The following RPP40 variants were observed in gnomAD, a reference collection of about 807,000 sequenced individuals.
The protein encoded by RPP40 is ribonuclease P/MRP subunit p40, also known as ribonuclease P protein subunit p40.
In RPP40, 30 loss-of-function variants were observed where a neutral mutation model predicts 42.5. The observed-to-expected ratio is 0.71, with a 90% CI of 0.53 to 0.96. The LOEUF (loss-of-function observed/expected upper bound fraction) is 0.96. RPP40 is among the 40% of genes least tolerant of loss of function. RPP40 has a pLI of 0.00. For synonymous variants in RPP40, 173 were observed against 164.0 expected, an observed-to-expected ratio of 1.05 and a Z score of -0.42; for missense variants, 426 against 433.5, an observed-to-expected ratio of 0.98 and a Z score of 0.15.
chr6:4,996,675 CTGTT>C (rs1396575596), intron 5 of RPP40, among the ~76,000 whole-genome samples: 8 of 152,198 alleles, frequency 5.3e-5, no homozygotes, highest in Admixed American at 3.9e-4. Flanking sequence ...ACTAGTTTCA[CTGTT>C]TGTGCTAATA....
intron 3 of RPP40, 149 bp downstream of exon 3, chr6:5,000,414 C>T (rs1178295915): frequency 3.5e-6 from 2 of 570,690 alleles, no homozygotes; most frequent in East Asian, 6.6e-5. Context: ...TCTCGAACTC[C>T]TGACCTCAGG....
At chr6:4,993,441 T>G (rs1415089015), downstream of RPP40, among the ~76,000 whole-genome samples, 1 of 152,234 alleles carries the variant, frequency 6.6e-6, no homozygotes, top group Non-Finnish European at 1.5e-5. Context: ...TAAAGCATAC[T>G]TTATGGATGT....
intron 1 of RPP40, among the ~76,000 whole-genome samples, chr6:5,003,345 T>TAAAAAA (rs1554114544): frequency 1.4e-4 from 11 of 76,558 alleles, no homozygotes; most frequent in African/African-American, 4.0e-4. Flanking sequence ...AAACTCCGTC[T>TAAAAAA]AAAAAAAAAA....
chr6:4,996,672 T>G (rs1759394329), intron 5 of RPP40, among the ~76,000 whole-genome samples: 1 of 152,354 alleles, frequency 6.6e-6, no homozygotes, highest in South Asian at 2.1e-4. Context: ...CAAACTAGTT[T>G]CACTGTTTGT....
chr6:5,000,249 G>A (rs780012857), intron 3 of RPP40, among the ~76,000 whole-genome samples: 16 of 151,638 alleles, frequency 1.1e-4, no homozygotes, highest in South Asian at 6.2e-4. Flanking sequence ...GCGCAGTGGC[G>A]CAATCTTGGC....
intron 5 of RPP40, among the ~76,000 whole-genome samples, chr6:4,998,226 G>T (rs191275251): frequency 1.3e-5 from 2 of 152,202 alleles, no homozygotes; most frequent in Non-Finnish European, 2.9e-5. Flanking sequence ...GGCCGTTTTA[G>T]GCAGATTACG....
downstream of RPP40, among the ~76,000 whole-genome samples, chr6:4,994,469 C>A (rs770475511): frequency 8.5e-5 from 13 of 152,182 alleles, no homozygotes; most frequent in Non-Finnish European, 1.6e-4. Flanking sequence ...AGCCTTACTG[C>A]TGGAAATAAA....
chr6:4,989,886 TTTTCTTTC>T (rs1040391886), downstream of RPP40, among the ~76,000 whole-genome samples: 21 of 152,180 alleles, frequency 1.4e-4, no homozygotes, highest in Non-Finnish European at 2.2e-4. Flanking sequence ...GTGAATACAT[TTTTCTTTC>T]TTTCTTTCCA....
At position 5,003,970 on chromosome 6, in the gene RPP40, C is replaced by T; in HGVS notation, c.33G>A (p.Pro11=). 6.2e-7 allele frequency: 1 copy of T among 1,612,614 alleles called. No individual in the cohort carries two copies. Among genetic ancestry groups the T allele is most frequent in the Non-Finnish European group, 8.5e-7 (1 of 1,179,498 alleles). MATLRRLREA[P]RHLLVCEKSN... ...ATTTCTCGCAAACCAGTAAGTGCCG[C>T]GGCGCCTCCCGAAGCCGGCGCAGCG... is the stretch of plus-strand genomic sequence containing the variant. Residue 11 remains proline (P), a synonymous_variant, in exon 1 of 8, where the codon CCG becomes CCA. Transcript: ENST00000380051.
At position 5,001,084 on chromosome 6, in the gene RPP40, G is replaced by T. The variant is rs376123383; in HGVS notation, c.269-453C>A. The T allele has an allele frequency of 1.6e-4, 73 of 457,040 alleles. 2 individuals are homozygous for T. The highest frequency in any genetic ancestry group is 1.1e-3 in the South Asian group (70 of 64,556). The allele number at this position is 457,040 out of a possible 1,614,324, so 28.3% of individuals were successfully genotyped here. On this transcript the variant is annotated intron_variant, in intron 2 of 7. Transcript: ENST00000380051. ...ATCAAGCAAAAAACTGACTCAGAACGGAACGTGACCTTTGGGGATGCGCGG... is the reference window on the plus strand; with the variant it reads ...ATCAAGCAAAAAACTGACTCAGAACTGAACGTGACCTTTGGGGATGCGCGG...
At chr6:4,996,453 C>T (rs368058391) in intron 5 of RPP40, 33 bp from the exon 6 acceptor site, 28 of 1,603,234 alleles carry the variant, frequency 1.7e-5, no homozygotes, top group Non-Finnish European at 2.4e-5. Context: ...CCATTTGAAT[C>T]CATCTGACCA....
At position 5,003,711 on chromosome 6, in the gene RPP40, A is replaced by T. The variant is rs1270653637; in HGVS notation, c.123+169T>A. 8 of 795,266 alleles carry T rather than the reference A, an allele frequency of 1.0e-5. No homozygotes were observed. The East Asian group carries it at 1.8e-4, about 18-fold the overall frequency. 49.3% of individuals were successfully genotyped at this position (795,266 alleles called of 1,614,324 possible). On this transcript the variant is annotated intron_variant, in intron 1 of 7. Coordinates refer to ENST00000380051, the MANE Select transcript of RPP40 (RefSeq NM_006638.4). ...TTGTAGTCCTGTAGCCCTGCAAGCC[A>T]CTGGCTTAGAGCAGTTAAGAGACTA... is the stretch of plus-strand genomic sequence containing the variant.
chr6:4,998,562 T>G, intron 5 of RPP40, 154 bp downstream of exon 5: 1 of 492,552 alleles, frequency 2.0e-6, no homozygotes, highest in South Asian at 4.0e-5. Flanking sequence ...TTCAGAGATG[T>G]CAGAAGGGCT....
At chr6:4,999,111 T>A (rs969617260) in intron 4 of RPP40, among the ~76,000 whole-genome samples, 1 of 150,740 alleles carries the variant, frequency 6.6e-6, no homozygotes, top group Admixed American at 6.7e-5. Context: ...AGAGGTCAGG[T>A]TTAATCTACT....
chr6:4,990,650 ATTTTTTTT>A (rs34478088), downstream of RPP40, among the ~76,000 whole-genome samples: 19 of 131,560 alleles, frequency 1.4e-4, no homozygotes, highest in African/African-American at 5.4e-4. Flanking sequence ...TGCCTGGCTA[ATTTTTTTT>A]TTTTTTTTTT....
chr6:4,996,247 C>T lies in RPP40; in HGVS notation c.733G>A (p.Gly245Ser), dbSNP rs1407676089. 12 of 1,613,780 alleles carry T rather than the reference C, an allele frequency of 7.4e-6. No individual in the cohort carries two copies. Among genetic ancestry groups the T allele is most frequent in the African/African-American group, 1.3e-5 (1 of 74,922 alleles). ...AGGTCGACATTACTGAAGACGGCGC[C>T]GAGCCAGTCGAAGAGCTCCAGAGCC... is the stretch of plus-strand genomic sequence containing the variant. ...CRALELFDWLGAVFSNVDLNN... is the reference protein window; with the variant it reads ...CRALELFDWLSAVFSNVDLNN... Residue 245 changes from glycine (G) to serine (S), a missense_variant, in exon 6 of 8, where the codon GGC becomes AGC. Physicochemically the swap from Gly to Ser is moderately conservative, Grantham distance 56. Coordinates refer to ENST00000380051, the MANE Select transcript of RPP40 (RefSeq NM_006638.4).
chr6:4,989,733 C>T (rs990050357), downstream of RPP40, among the ~76,000 whole-genome samples: 4 of 152,048 alleles, frequency 2.6e-5, no homozygotes, highest in Admixed American at 2.0e-4. Context: ...TTTTTTGTTT[C>T]AATTATCAAT....
downstream of RPP40, chr6:4,994,582 A>C (rs1384218659): frequency 6.4e-6 from 1 of 155,490 alleles, no homozygotes; most frequent in Non-Finnish European, 1.4e-5. Context: ...CTGGCCTGAG[A>C]TCAAGTCTCA....
At chr6:5,001,998 CA>C in intron 2 of RPP40, 102 bp downstream of exon 2, 1 of 1,018,492 alleles carries the variant, frequency 9.8e-7, no homozygotes, top group South Asian at 1.6e-5. Flanking sequence ...CAGACTATAC[CA>C]CAGGCCCTGT....
Sources: allele counts gnomAD v4.1 joint callset (sites outside exome capture counted in the v4.1 genomes callset), GRCh38; gene constraint gnomAD v4.1.1; transcripts MANE v1.5; gene names NCBI Gene and HGNC (gene_info 2026-07-23, HGNC 2026-07-21).